The following PHC2 variants were observed in gnomAD, a reference collection of about 807,000 sequenced individuals.
PHC2 encodes polyhomeotic homolog 2, also known as polyhomeotic-like protein 2.
A neutral mutation model predicts 87.4 loss-of-function variants in PHC2; 29 were observed. That is an observed-to-expected ratio of 0.33 (90% CI 0.25 to 0.45). PHC2 has a LOEUF of 0.45. PHC2 is among the 20% of genes least tolerant of loss of function. The probability of loss-of-function intolerance (pLI) is 1.00; values close to 1 mark genes in which losing one functional copy is unlikely to be tolerated. For synonymous variants in PHC2, 438 were observed against 461.7 expected (o/e 0.95, Z 0.66); for missense variants, 857 against 1,136.7 (o/e 0.75, Z 3.54).
chr1:33,423,211 A>G (rs575005970), intron 1 of PHC2, among the ~76,000 whole-genome samples: 3 of 152,328 alleles, frequency 2.0e-5, no homozygotes, highest in African/African-American at 7.2e-5. Context: ...AGCACATTGA[A>G]GTATTAAAGG....
At chr1:33,428,774 A>C (rs1650784466) in intron 1 of PHC2, among the ~76,000 whole-genome samples, 1 of 152,218 alleles carries the variant, frequency 6.6e-6, no homozygotes, top group Non-Finnish European at 1.5e-5. Context: ...TGAAGAGAAG[A>C]GGATAATAGT....
chr1:33,332,421 AC>A lies in PHC2; in HGVS notation c.1762-18del. On this transcript the variant is annotated intron_variant, in intron 10 of 14. Coordinates refer to ENST00000683057, the MANE Select transcript of PHC2 (RefSeq NM_001385109.1). This position sits in a 1 kb window ranked among gnomAD's most constrained non-coding sequence, Gnocchi z 4.2. ...GCGTCCCACCTAGAGGACAGGTAACACGGAGGCCGTGAGGGTCAGGTGGGAG... is the reference window on the plus strand; with the variant it reads ...GCGTCCCACCTAGAGGACAGGTAACAGGAGGCCGTGAGGGTCAGGTGGGAG... 1 of 1,614,048 alleles carries A rather than the reference AC, an allele frequency of 6.2e-7. No individual in the cohort carries two copies. Among genetic ancestry groups the A allele is most frequent in the Admixed American group, 1.7e-5 (1 of 60,014 alleles).
Position 33,381,328 on chromosome 1 carries a change from C to T in PHC2, c.-54-5735G>A, listed in dbSNP as rs913325853. 2.6e-5 allele frequency among the ~76,000 whole-genome samples: 4 copies of T among 152,166 alleles called. No individual in the cohort carries two copies. The South Asian group carries it at 8.3e-4, about 32-fold the overall frequency. ...TTGAATAAAATTGCTTGAAATGCAC[C>T]ATACTCCATCCTACTCCTCATCTGA... is the stretch of plus-strand genomic sequence containing the variant. On this transcript the variant is annotated intron_variant, in intron 1 of 14. Transcript: ENST00000683057.
At position 33,349,277 on chromosome 1, in the gene PHC2, G is replaced by C; in HGVS notation, c.1558+5124C>G. On this transcript the variant is annotated intron_variant, in intron 9 of 14. Transcript: ENST00000683057. This position sits in a 1 kb window ranked among gnomAD's most constrained non-coding sequence, Gnocchi z 4.2. ...TCCCCGAACGCACCGTCCGTCCCAG[G>C]GAAGTCGCAGCGGCGGGGAGGCCGG... The C allele has an allele frequency of 1.0e-6, 1 of 985,460 alleles. No homozygotes were observed. Among genetic ancestry groups the C allele is most frequent in the Non-Finnish European group, 1.2e-6 (1 of 829,944 alleles). 61.0% of individuals were successfully genotyped at this position (985,460 alleles called of 1,614,324 possible).
At chr1:33,337,623 G>A (rs906968386) in intron 9 of PHC2, among the ~76,000 whole-genome samples, 30 of 152,198 alleles carry the variant, frequency 2.0e-4, no homozygotes, top group African/African-American at 4.6e-4. Flanking sequence ...AAGGCAGTGC[G>A]TGCTAGCTTA....
rs1454217386 is a variant in PHC2 at position 33,329,039 on chromosome 1, T to C, written c.2256A>G (p.Ser752=). The C allele has an allele frequency of 6.2e-7, 1 of 1,614,126 alleles. No homozygotes were observed. The highest frequency in any genetic ancestry group is 1.1e-5 in the South Asian group (1 of 91,088). Residue 752 remains serine, a synonymous_variant, in exon 14 of 15, where the codon TCA becomes TCG. Coordinates refer to ENST00000683057, the MANE Select transcript of PHC2 (RefSeq NM_001385109.1). ...SDNSSYEEPL[S]PISASSSTSR... is the part of the protein sequence containing the mutation. ...AAGTAGATGAGCTGGCTGAGATGGG[T>C]GACAAGGGTTCCTCATAGCTTGAGT...
intron 9 of PHC2, among the ~76,000 whole-genome samples, chr1:33,352,272 A>G (rs906896333): frequency 6.6e-6 from 1 of 152,226 alleles, no homozygotes; most frequent in African/African-American, 2.4e-5. Context: ...AAATTGGTAA[A>G]AGGCAAATAA....
At position 33,324,705 on chromosome 1, in the gene PHC2, G is replaced by C. The variant is rs1646333039; in HGVS notation, c.*160C>G. On this transcript the variant is annotated 3_prime_UTR_variant, in exon 15 of 15. Transcript: ENST00000683057. ...TCCCACAGAAATGAAAGGCCCCTGA[G>C]AGCCATGGAGGAGGTGCCCAGACCT... 1 of 615,852 alleles carries C rather than the reference G, an allele frequency of 1.6e-6. No homozygotes were observed. The highest frequency in any genetic ancestry group is 2.6e-6 in the Non-Finnish European group (1 of 378,428). 38.1% of individuals were successfully genotyped at this position (615,852 alleles called of 1,614,324 possible). A position where few individuals can be genotyped will look rare whatever the true frequency, so the allele number is the denominator to read the frequency against.
intron 2 of PHC2, 25 bp from the exon 3 acceptor site, chr1:33,372,472 G>T (rs1267132411): frequency 1.3e-6 from 2 of 1,514,148 alleles, no homozygotes; most frequent in Non-Finnish European, 1.8e-6. Context: ...AGGGGGAAGA[G>T]CCAGGCTGGT....
At chr1:33,407,445 A>G (rs1649811715) in intron 1 of PHC2, among the ~76,000 whole-genome samples, 1 of 152,218 alleles carries the variant, frequency 6.6e-6, no homozygotes, top group Non-Finnish European at 1.5e-5. Flanking sequence ...CACTACTAGT[A>G]TGGAACCATC....
chr1:33,368,891 AG>A lies in PHC2; in HGVS notation c.577-270del, dbSNP rs2148321748. Among the ~76,000 whole-genome samples the A allele has an allele frequency of 6.6e-6, 1 of 152,000 alleles. No individual in the cohort carries two copies. Among genetic ancestry groups the A allele is most frequent in the South Asian group, 2.1e-4 (1 of 4,800 alleles). Reference sequence around the variant, plus strand: ...GCTGGGTGCAGGGGTGGGTGGGGAGAGCCGCTCTGGGGCTACACCAAAGCCG... The same window carrying A: ...GCTGGGTGCAGGGGTGGGTGGGGAGACCGCTCTGGGGCTACACCAAAGCCG... On this transcript the variant is annotated intron_variant, in intron 5 of 14. Transcript: ENST00000683057. The surrounding 1 kb of genome is among the most constrained non-coding windows in gnomAD (Gnocchi z 6.6).
chr1:33,409,427 T>G (rs959509016), intron 1 of PHC2, among the ~76,000 whole-genome samples: 1 of 152,026 alleles, frequency 6.6e-6, no homozygotes, highest in African/African-American at 2.4e-5. Flanking sequence ...TATGCACTCA[T>G]AAATTTAAAA....
chr1:33,424,696 T>C (rs1650597056), intron 1 of PHC2, among the ~76,000 whole-genome samples: 1 of 152,244 alleles, frequency 6.6e-6, no homozygotes, highest in Non-Finnish European at 1.5e-5. Flanking sequence ...GTATTCGGAA[T>C]GTTTCTGGCT....
In PHC2 at chr1:33,388,715, G is replaced by A. The variant is rs138668692; in HGVS notation, c.-54-13122C>T. 1.6e-3 allele frequency among the ~76,000 whole-genome samples: 250 copies of A among 152,342 alleles called. 1 individual carries two copies. The highest frequency in any genetic ancestry group is 5.9e-3 in the African/African-American group (244 of 41,584). On this transcript the variant is annotated intron_variant, in intron 1 of 14. Transcript: ENST00000683057. ...AAGAAAACACCCAGCACCATGTGCA[G>A]CACAGAATGGGCATCATTCTATCAT...
chr1:33,332,444 G>A lies in PHC2; in HGVS notation c.1762-40C>T. 6.2e-7 allele frequency: 1 copy of A among 1,613,102 alleles called. No homozygotes were observed. The highest frequency in any genetic ancestry group is 2.2e-5 in the East Asian group (1 of 44,834). The stretch of plus-strand genomic sequence containing the variant: ...ACACGGAGGCCGTGAGGGTCAGGTG[G>A]GAGCGGCTTCCTTGCTATCCATCCT... On this transcript the variant is annotated intron_variant, in intron 10 of 14. Coordinates refer to ENST00000683057, the MANE Select transcript of PHC2 (RefSeq NM_001385109.1). The surrounding 1 kb of genome is among the most constrained non-coding windows in gnomAD (Gnocchi z 4.2).
chr1:33,385,657 CTCAAAGTTA>C (rs993190207), intron 1 of PHC2, among the ~76,000 whole-genome samples: 1 of 152,140 alleles, frequency 6.6e-6, no homozygotes, highest in African/African-American at 2.4e-5. Flanking sequence ...CTTCAATAAA[CTCAAAGTTA>C]GATTTTGAGA....
In PHC2 at chr1:33,349,604, G is replaced by A; in HGVS notation, c.1558+4797C>T. 2.0e-6 allele frequency: 2 copies of A among 983,942 alleles called. No individual in the cohort carries two copies. Among genetic ancestry groups the A allele is most frequent in the Non-Finnish European group, 2.4e-6 (2 of 829,330 alleles). The allele number at this position is 983,942 out of a possible 1,614,324, so 61.0% of individuals were successfully genotyped here. A position where few individuals can be genotyped will look rare whatever the true frequency, so the allele number is the denominator to read the frequency against. ...CCCCGCCCCGGCACTGACCTGTCCA[G>A]GGCCCGGCTGGGCCTGGCCGGGCGG... is the stretch of plus-strand genomic sequence containing the variant. On this transcript the variant is annotated intron_variant, in intron 9 of 14. Coordinates refer to ENST00000683057, the MANE Select transcript of PHC2 (RefSeq NM_001385109.1). This position sits in a 1 kb window ranked among gnomAD's most constrained non-coding sequence, Gnocchi z 4.2.
Position 33,369,408 on chromosome 1 carries a change from A to T in PHC2, c.577-786T>A, listed in dbSNP as rs1186604912. 1.3e-5 allele frequency among the ~76,000 whole-genome samples: 2 copies of T among 152,224 alleles called. No homozygotes were observed. Among genetic ancestry groups the T allele is most frequent in the East Asian group, 3.9e-4 (2 of 5,194 alleles). ...TGGGGAGGGAGGCAGACAGGCAGGC[A>T]TCACGACCCCAGTGGAGTAGGACAT... On this transcript the variant is annotated intron_variant, in intron 5 of 14. Transcript: ENST00000683057. The surrounding 1 kb of genome is among the most constrained non-coding windows in gnomAD (Gnocchi z 4.7).
Position 33,349,699 on chromosome 1 carries a change from C to G in PHC2, c.1558+4702G>C. 1 of 991,808 alleles carries G rather than the reference C, an allele frequency of 1.0e-6. No homozygotes were observed. Among genetic ancestry groups the G allele is most frequent in the Non-Finnish European group, 1.2e-6 (1 of 834,088 alleles). 61.4% of individuals were successfully genotyped at this position (991,808 alleles called of 1,614,324 possible). ...CGGGCCCGGGCGGGCCGCCTCCTCT[C>G]CGCCGGGAGCCTCCGAGCCGGGGCC... On this transcript the variant is annotated intron_variant, in intron 9 of 14. Transcript: ENST00000683057. The surrounding 1 kb of genome is among the most constrained non-coding windows in gnomAD (Gnocchi z 4.2).
Sources: gnomAD v4.1 joint callset for allele counts (sites outside exome capture counted in the v4.1 genomes callset) on GRCh38, gnomAD v4.1.1 for gene constraint, Gnocchi (gnomAD v3.1) non-coding constraint, MANE v1.5 for transcripts, NCBI Gene and HGNC (gene_info 2026-07-23, HGNC 2026-07-21) for gene names.